Variants in PRKN observed in about 807,000 individuals in gnomAD.
PRKN encodes the protein E3 ubiquitin-protein ligase parkin.
Under a neutral mutation model 59.5 loss-of-function variants are expected in PRKN, and 56 were observed. The observed-to-expected ratio is 0.94, with a 90% confidence interval of 0.76 to 1.18. The LOEUF (loss-of-function observed/expected upper bound fraction) is 1.18, where lower values mean the gene tolerates loss of function less well. Among genes scored for constraint, PRKN ranks in the 50% most tolerant of loss-of-function variants. The pLI is 0.00. For missense variants in PRKN, 657 were observed against 596.4 expected, an observed-to-expected ratio of 1.10 and a Z score of -1.06; for synonymous variants, 250 against 222.1, an observed-to-expected ratio of 1.13 and a Z score of -1.12.
In PRKN at chr6:161,349,486, A is replaced by G; in HGVS notation, c.*613T>C. ...TCATTAATGCGATTTATATAGATGG[A>G]ATTCTTAAGGATAAACAAATGTTTT... On this transcript the variant is annotated 3_prime_UTR_variant, in exon 12 of 12. Coordinates refer to ENST00000366898, the MANE Select transcript of PRKN (RefSeq NM_004562.3). The surrounding 1 kb of genome is among the most constrained non-coding windows in gnomAD (Gnocchi z 5.5). 1 of 233,164 alleles carries G rather than the reference A, an allele frequency of 4.3e-6. No individual in the cohort carries two copies. The highest frequency in any genetic ancestry group is 8.5e-6 in the Non-Finnish European group (1 of 118,124). 14.4% of individuals were successfully genotyped at this position (233,164 alleles called of 1,614,324 possible). A position where few individuals can be genotyped will look rare whatever the true frequency, so the allele number is the denominator to read the frequency against.
chr6:162,099,558 T>C (rs1170713866), intron 4 of PRKN, among the ~76,000 whole-genome samples: 1 of 152,216 alleles, frequency 6.6e-6, no homozygotes, highest in African/African-American at 2.4e-5. Context: ...GATAATACTT[T>C]GTTGAAATGT....
At chr6:161,986,247 G>A (rs1363996256) in intron 5 of PRKN, among the ~76,000 whole-genome samples, 2 of 152,218 alleles carry the variant, frequency 1.3e-5, no homozygotes, top group African/African-American at 2.4e-5. Flanking sequence ...CTCTCTGCCT[G>A]CAGGGTAGCC....
chr6:162,422,925 G>A (rs182132741), intron 2 of PRKN, among the ~76,000 whole-genome samples: 71 of 120,462 alleles, frequency 5.9e-4, no homozygotes, highest in Middle Eastern at 0.019. Context: ...CAGCCTGGGC[G>A]ACAGAGCAAG....
chr6:161,892,333 A>G lies in PRKN; in HGVS notation c.734+80969T>C, dbSNP rs188124634. ...GGTATCCCAGCACTTAGAGAGACCA[A>G]AGCAAGAGGATCGCTTGAGGCCAGG... On this transcript the variant is annotated intron_variant, in intron 6 of 11. Coordinates refer to ENST00000366898, the MANE Select transcript of PRKN (RefSeq NM_004562.3). Among the ~76,000 whole-genome samples, 21 of 152,084 alleles carry G rather than the reference A, an allele frequency of 1.4e-4. No individual in the cohort carries two copies. In the Middle Eastern group the frequency reaches 0.01, roughly 74 times the overall value.
chr6:161,503,843 C>T lies in PRKN; in HGVS notation c.1083+45011G>A, dbSNP rs1449465381. Among the ~76,000 whole-genome samples, 2 of 152,236 alleles carry T rather than the reference C, an allele frequency of 1.3e-5. No individual in the cohort carries two copies. The highest frequency in any genetic ancestry group is 2.9e-5 in the Non-Finnish European group (2 of 68,044). ...AAAGCCTGCTTCCCCCAGGAATCCA[C>T]AGGCTTCTATTCTGATAATGATGAT... On this transcript the variant is annotated intron_variant, in intron 9 of 11. Coordinates refer to ENST00000366898, the MANE Select transcript of PRKN (RefSeq NM_004562.3). The surrounding 1 kb of genome is among the most constrained non-coding windows in gnomAD (Gnocchi z 5.1).
chr6:161,480,186 T>C lies in PRKN; in HGVS notation c.1083+68668A>G, dbSNP rs1791321280. Reference sequence around the variant, plus strand: ...TATCACTGCAGCGTTTCCTATCTGATCATGACTATATAATTTGTGAAGCCC... The same window carrying C: ...TATCACTGCAGCGTTTCCTATCTGACCATGACTATATAATTTGTGAAGCCC... On this transcript the variant is annotated intron_variant, in intron 9 of 11. Coordinates refer to ENST00000366898, the MANE Select transcript of PRKN (RefSeq NM_004562.3). The surrounding 1 kb of genome is among the most constrained non-coding windows in gnomAD (Gnocchi z 4.1). 6.6e-6 allele frequency among the ~76,000 whole-genome samples: 1 copy of C among 152,200 alleles called. No homozygotes were observed. The highest frequency in any genetic ancestry group is 2.4e-5 in the African/African-American group (1 of 41,430).
intron 4 of PRKN, among the ~76,000 whole-genome samples, chr6:162,094,504 A>G (rs1400175432): frequency 6.6e-6 from 1 of 151,896 alleles, no homozygotes; most frequent in Non-Finnish European, 1.5e-5. Context: ...CAAATAAAGT[A>G]ATTAATTAAT....
At position 162,574,987 on chromosome 6, in the gene PRKN, T is replaced by C. The variant is rs942531998; in HGVS notation, c.8-131514A>G. Among the ~76,000 whole-genome samples, 4 of 152,300 alleles carry C rather than the reference T, an allele frequency of 2.6e-5. 1 individual carries two copies. The South Asian group carries it at 8.3e-4, about 32-fold the overall frequency. Reference sequence around the variant, plus strand: ...TTTGTTTTATGCTTTTCAAATATTCTCTCCCAGTTTATGGTCCATCTTTTA... The same window carrying C: ...TTTGTTTTATGCTTTTCAAATATTCCCTCCCAGTTTATGGTCCATCTTTTA... On this transcript the variant is annotated intron_variant, in intron 1 of 11. Transcript: ENST00000366898.
intron 6 of PRKN, among the ~76,000 whole-genome samples, chr6:161,861,466 C>T (rs187284546): frequency 7.2e-5 from 11 of 152,162 alleles, no homozygotes; most frequent in Admixed American, 2.0e-4. Flanking sequence ...AGAACAAATA[C>T]GTAATGCATG....
At chr6:162,229,376 G>T (rs1778321161) in intron 3 of PRKN, among the ~76,000 whole-genome samples, 1 of 152,092 alleles carries the variant, frequency 6.6e-6, no homozygotes, top group African/African-American at 2.4e-5. Flanking sequence ...TCCAGAATGA[G>T]ACCACCTCTC....
chr6:162,011,376 T>TTATATATTTATA lies in PRKN; in HGVS notation c.619-37971_619-37960dup, dbSNP rs1482719758. On this transcript the variant is annotated intron_variant, in intron 5 of 11. Coordinates refer to ENST00000366898, the MANE Select transcript of PRKN (RefSeq NM_004562.3). ...ATATATTTATAATATATATAATATA[T>TTATATATTTATA]TATATATTTATAATATATATTATAA... Among the ~76,000 whole-genome samples the TTATATATTTATA allele has an allele frequency of 6.3e-5, 2 of 31,940 alleles. 1 individual carries two copies. The highest frequency in any genetic ancestry group is 9.2e-5 in the Non-Finnish European group (2 of 21,750). The allele number at this position is 31,940 out of a possible 152,430, so 21.0% of individuals were successfully genotyped here.
At chr6:162,432,412 G>A (rs1440729900) in intron 2 of PRKN, among the ~76,000 whole-genome samples, 1 of 152,012 alleles carries the variant, frequency 6.6e-6, no homozygotes, top group African/African-American at 2.4e-5. Flanking sequence ...TGTAATCCCA[G>A]CTACTAGCAG....
At chr6:162,247,029 G>A (rs1226365382) in intron 3 of PRKN, among the ~76,000 whole-genome samples, 1 of 151,660 alleles carries the variant, frequency 6.6e-6, no homozygotes, top group Non-Finnish European at 1.5e-5. Flanking sequence ...ACTATAGAAT[G>A]GCTATATTTT....
Position 161,526,636 on chromosome 6 carries a change from A to C in PRKN, c.1083+22218T>G, listed in dbSNP as rs1279167708. Among the ~76,000 whole-genome samples the C allele has an allele frequency of 6.6e-6, 1 of 151,530 alleles. No individual in the cohort carries two copies. The highest frequency in any genetic ancestry group is 1.5e-5 in the Non-Finnish European group (1 of 67,902). On this transcript the variant is annotated intron_variant, in intron 9 of 11. Coordinates refer to ENST00000366898, the MANE Select transcript of PRKN (RefSeq NM_004562.3). The surrounding 1 kb of genome is among the most constrained non-coding windows in gnomAD (Gnocchi z 4.1). The stretch of plus-strand genomic sequence containing the variant: ...ATCTCAAAGCATCAGTAATTGCTAC[A>C]TGAGGAGCAAACCCTCTGATATAAT...
At chr6:162,648,549 T>C (rs1778290297) in intron 1 of PRKN, among the ~76,000 whole-genome samples, 1 of 152,022 alleles carries the variant, frequency 6.6e-6, no homozygotes, top group Non-Finnish European at 1.5e-5. Context: ...ACCTGGCTAA[T>C]GTTTGTATTT....
In PRKN at chr6:161,959,858, T is replaced by G. The variant is rs543319652; in HGVS notation, c.734+13444A>C. Among the ~76,000 whole-genome samples, 20 of 152,162 alleles carry G rather than the reference T, an allele frequency of 1.3e-4. No individual in the cohort carries two copies. The South Asian group carries it at 4.2e-3, about 32-fold the overall frequency. Reference sequence around the variant, plus strand: ...CCACCACCTCAGGAATTAACCAAATTTAGGAAATTAAAGTCACAGTGATTG... The same window carrying G: ...CCACCACCTCAGGAATTAACCAAATGTAGGAAATTAAAGTCACAGTGATTG... On this transcript the variant is annotated intron_variant, in intron 6 of 11. Coordinates refer to ENST00000366898, the MANE Select transcript of PRKN (RefSeq NM_004562.3).
At chr6:161,394,063 CTA>C (rs1376202579) in intron 9 of PRKN, among the ~76,000 whole-genome samples, 1 of 152,178 alleles carries the variant, frequency 6.6e-6, no homozygotes, top group Non-Finnish European at 1.5e-5. Flanking sequence ...GGAAGTCTCC[CTA>C]TGAGTCACCA....
intron 1 of PRKN, among the ~76,000 whole-genome samples, chr6:162,511,649 A>G (rs1777624231): frequency 6.6e-6 from 1 of 152,134 alleles, no homozygotes; most frequent in East Asian, 1.9e-4. Context: ...TCATACTAAT[A>G]AAGCCCATGG....
rs371967876 is a variant in PRKN, at chr6:162,415,458, TA to T, written c.171+27851del. On this transcript the variant is annotated intron_variant, in intron 2 of 11. Transcript: ENST00000366898. ...TATCACTCATGTATCTAAATATCTT[TA>T]TGGTGAAAGCTTCCTACTTTAAGAG... is the stretch of plus-strand genomic sequence containing the variant. 2.0e-3 allele frequency among the ~76,000 whole-genome samples: 298 copies of T among 152,296 alleles called. 4 individuals carry two copies. The South Asian group carries it at 0.027, about 14-fold the overall frequency.
Sources: gnomAD v4.1 joint callset for allele counts (sites outside exome capture counted in the v4.1 genomes callset) on GRCh38, gnomAD v4.1.1 for gene constraint, Gnocchi (gnomAD v3.1) non-coding constraint, MANE v1.5 for transcripts, NCBI Gene and HGNC (gene_info 2026-07-23, HGNC 2026-07-21) for gene names.